CFAP92: variants seen among roughly 807,000 people sequenced by gnomAD.
CFAP92 encodes the protein uncharacterized protein CFAP92.
CFAP92 carries 86 observed loss-of-function variants against 106.3 expected under a neutral mutation model. That is an observed-to-expected ratio of 0.81 (90% CI 0.68 to 0.97). The LOEUF is 0.97. Among genes scored for constraint, CFAP92 ranks in the 50% least tolerant of loss-of-function variants. The pLI, the probability that CFAP92 is intolerant of heterozygous loss-of-function variation, is 0.00. For missense variants in CFAP92, 1,204 were observed against 1,283.8 expected (o/e 0.94, Z 0.95); for synonymous variants, 477 against 506.4 (o/e 0.94, Z 0.78).
rs528846461 is a variant in CFAP92, at chr3:128,975,499, T to C, written c.1021+280A>G. ...TAAATGGAATGGGTGGGTGGACAGATGAATGGATGGGGATGGATGAATGAA... is the reference window on the plus strand; with the variant it reads ...TAAATGGAATGGGTGGGTGGACAGACGAATGGATGGGGATGGATGAATGAA... On this transcript the variant is annotated intron_variant, in intron 7 of 15. Coordinates refer to ENST00000645291, the MANE Select transcript of CFAP92 (RefSeq NM_001394090.1). Among the ~76,000 whole-genome samples the C allele has an allele frequency of 9.3e-5, 14 of 151,320 alleles. No homozygotes were observed. The South Asian group carries it at 2.9e-3, about 32-fold the overall frequency.
At chr3:129,021,506 G>A in the CFAP92 span, among the ~76,000 whole-genome samples, 51 of 152,128 alleles carry the variant, frequency 3.4e-4, no homozygotes, top group Non-Finnish European at 4.7e-4. Flanking sequence ...CCCGGGAGGC[G>A]GAGGTTGTGG....
chr3:128,912,923 C>T (rs757583360), intron 15 of CFAP92: 1 of 540,880 alleles, frequency 1.8e-6, no homozygotes, highest in Non-Finnish European at 3.6e-6. Context: ...ATGCTGCTGC[C>T]TCCAGGGTGT....
At chr3:128,925,388 C>T (rs192961575) in intron 12 of CFAP92, among the ~76,000 whole-genome samples, 2 of 152,210 alleles carry the variant, frequency 1.3e-5, no homozygotes, top group African/African-American at 2.4e-5. Context: ...CCCACTCTCA[C>T]CTCCTGTTGT....
At chr3:129,002,614 C>T (rs1344231753) in exon 1 of CFAP92, 1 of 478,996 alleles carries the variant, frequency 2.1e-6, no homozygotes, top group Non-Finnish European at 3.5e-6. Context: ...GCGTCTTGCC[C>T]CTTTAACCTA....
At chr3:129,004,639 T>C (rs945506807), upstream of CFAP92, among the ~76,000 whole-genome samples, 1 of 151,926 alleles carries the variant, frequency 6.6e-6, no homozygotes. Context: ...TCTTATTTGT[T>C]CCTGGATTCG....
At chr3:128,963,983 A>C (rs1055649677) in intron 9 of CFAP92, among the ~76,000 whole-genome samples, 4 of 152,342 alleles carry the variant, frequency 2.6e-5, no homozygotes, top group African/African-American at 9.6e-5. Context: ...TCACTGAATA[A>C]GTAAAGGCCT....
chr3:128,965,237 G>A (rs1378507571), intron 9 of CFAP92, among the ~76,000 whole-genome samples: 1 of 152,054 alleles, frequency 6.6e-6, no homozygotes, highest in Non-Finnish European at 1.5e-5. Flanking sequence ...CCCTTTGACT[G>A]TAATTTTCCA....
rs1202967649 is a variant in CFAP92, at chr3:128,935,409, T to C, written c.2259-90A>G. 3 of 901,462 alleles carry C rather than the reference T, an allele frequency of 3.3e-6. No homozygotes were observed. The African/African-American group carries it at 5.0e-5, about 15-fold the overall frequency. The allele number at this position is 901,462 out of a possible 1,614,324, so 55.8% of individuals were successfully genotyped here. Reference sequence around the variant, plus strand: ...TGCGCTGTCAGGTACAGCTTTTATGTTATTTAAAAACAAACCCAGGGGCCG... The same window carrying C: ...TGCGCTGTCAGGTACAGCTTTTATGCTATTTAAAAACAAACCCAGGGGCCG... On this transcript the variant is annotated intron_variant, in intron 10 of 15. Coordinates refer to ENST00000645291, the MANE Select transcript of CFAP92 (RefSeq NM_001394090.1).
chr3:128,949,666 A>G (rs186860766), intron 9 of CFAP92, among the ~76,000 whole-genome samples: 9 of 152,330 alleles, frequency 5.9e-5, no homozygotes, highest in Admixed American at 5.9e-4. Flanking sequence ...TGTAGTGGTG[A>G]TAATATTGAT....
intron 8 of CFAP92, chr3:128,969,656 C>T (rs718613): frequency 0.21 from 32,075 of 151,990 alleles, 3,719 homozygotes; most frequent in Middle Eastern, 0.27. Flanking sequence ...AATGGTTGAA[C>T]TTCTTTTTCC....
At chr3:129,015,903 C>T in the CFAP92 span, among the ~76,000 whole-genome samples, 1,195 of 152,344 alleles carry the variant, frequency 7.8e-3, 5 homozygotes, top group Non-Finnish European at 0.013. Context: ...GTGTGCGAAC[C>T]TCCAGGACCT....
intron 5 of CFAP92, among the ~76,000 whole-genome samples, chr3:128,977,359 G>A (rs1943222518): frequency 1.3e-5 from 2 of 152,088 alleles, no homozygotes. Flanking sequence ...GTTTACATTA[G>A]AGAATAATGA....
intron 9 of CFAP92, among the ~76,000 whole-genome samples, chr3:128,962,058 C>T (rs1477645659): frequency 2.6e-5 from 4 of 152,280 alleles, no homozygotes; most frequent in South Asian, 2.1e-4. Context: ...CCCATCTGTG[C>T]GGGACCCCAC....
intron 3 of CFAP92, among the ~76,000 whole-genome samples, chr3:128,988,033 T>A (rs192765496): frequency 6.6e-6 from 1 of 152,236 alleles, no homozygotes; most frequent in East Asian, 1.9e-4. Context: ...TTAGGAAGAA[T>A]AAAATCAAAG....
Position 128,945,905 on chromosome 3 carries a change from G to A in CFAP92, c.1424C>T (p.Pro475Leu). Residue 475 changes from proline (P) to leucine (L), a missense_variant, in exon 10 of 16, where the codon CCC (proline) becomes CTC (leucine). By Grantham distance (98) the Pro-to-Leu change is moderately conservative (BLOSUM62 -3). Transcript: ENST00000645291. ...KTPVHKTKGE[P>L]HGTHVYFQDI... ...CTGGAAATAAACGTGGGTTCCATGG[G>A]GCTCCCCCTTGGTCTTGTGAACTGG... 1 of 1,462,490 alleles carries A rather than the reference G, an allele frequency of 6.8e-7. No individual in the cohort carries two copies. The highest frequency in any genetic ancestry group is 9.0e-7 in the Non-Finnish European group (1 of 1,115,422). The allele number at this position is 1,462,490 out of a possible 1,614,324, so 90.6% of individuals were successfully genotyped here.
chr3:128,998,083 T>C (rs1944547783), upstream of CFAP92, among the ~76,000 whole-genome samples: 1 of 152,242 alleles, frequency 6.6e-6, no homozygotes. Context: ...ATGTTGGCTA[T>C]TTATACAACT....
chr3:128,912,534 T>C lies in CFAP92; in HGVS notation c.3281-2201A>G. The C allele has an allele frequency of 1.9e-6, 3 of 1,614,078 alleles. No homozygotes were observed. In the South Asian group the frequency reaches 3.3e-5, roughly 18 times the overall value. On this transcript the variant is annotated intron_variant, in intron 15 of 15. Transcript: ENST00000645291. Reference sequence around the variant, plus strand: ...GCTCCAGAAAACCTAGATGAGCAGATTAAGAAAGTGTCCCAGCAGATCCTT... The same window carrying C: ...GCTCCAGAAAACCTAGATGAGCAGACTAAGAAAGTGTCCCAGCAGATCCTT...
the CFAP92 span, among the ~76,000 whole-genome samples, chr3:129,017,615 C>T: frequency 6.6e-6 from 1 of 152,248 alleles, no homozygotes; most frequent in Non-Finnish European, 1.5e-5. Context: ...ACATTGCTTT[C>T]ATCTTCCAGC....
intron 4 of CFAP92, among the ~76,000 whole-genome samples, chr3:128,986,494 TA>T (rs1184995107): frequency 6.6e-6 from 1 of 152,194 alleles, no homozygotes; most frequent in African/African-American, 2.4e-5. Context: ...GTGCTGGGAT[TA>T]CAGGCATGAG....
Sources: allele counts gnomAD v4.1 joint callset (sites outside exome capture counted in the v4.1 genomes callset), GRCh38; gene constraint gnomAD v4.1.1; transcripts MANE v1.5; gene names NCBI Gene and HGNC (gene_info 2026-07-23, HGNC 2026-07-21).